Variants in CEP164 observed in about 807,000 individuals in gnomAD.
CEP164 encodes the protein centrosomal protein 164.
CEP164 carries 162 observed loss-of-function variants against 182.7 expected under a neutral mutation model. That is an observed-to-expected ratio of 0.89 (90% CI 0.78 to 1.01). The LOEUF (loss-of-function observed/expected upper bound fraction) is 1.01, where lower values mean the gene tolerates loss of function less well. Among genes scored for constraint, CEP164 ranks in the 50% least tolerant of loss-of-function variants. The pLI, the probability that CEP164 is intolerant of heterozygous loss-of-function variation, is 0.00. For synonymous variants in CEP164, 661 were observed against 690.0 expected (o/e 0.96, Z 0.66); for missense variants, 1,735 against 1,790.4 (o/e 0.97, Z 0.56).
rs182956024 is a variant in CEP164 at position 117,366,200 on chromosome 11, G to T, written c.765+2694G>T. ...GGATAGCCAGTGCTGCCTCTGCTTGGTCCCTGCTCTTTGAAAATGGCTTTT... is the reference window on the plus strand; with the variant it reads ...GGATAGCCAGTGCTGCCTCTGCTTGTTCCCTGCTCTTTGAAAATGGCTTTT... On this transcript the variant is annotated intron_variant, in intron 8 of 32. Transcript: ENST00000278935. 4.6e-5 allele frequency among the ~76,000 whole-genome samples: 7 copies of T among 152,084 alleles called. No homozygotes were observed. The East Asian group carries it at 1.4e-3, about 29-fold the overall frequency.
intron 15 of CEP164, among the ~76,000 whole-genome samples, chr11:117,389,596 C>T (rs2044359160): frequency 1.3e-5 from 2 of 152,138 alleles, no homozygotes. Context: ...AAGAAAGGTC[C>T]ACATGTAAAG....
chr11:117,359,760 A>G (rs920534563), intron 5 of CEP164, among the ~76,000 whole-genome samples: 3 of 152,140 alleles, frequency 2.0e-5, no homozygotes, highest in Non-Finnish European at 2.9e-5. Flanking sequence ...AATTATTGTA[A>G]TGTGAATCCC....
intron 27 of CEP164, among the ~76,000 whole-genome samples, chr11:117,401,858 A>AT (rs1000578008): frequency 2.0e-5 from 3 of 150,388 alleles, no homozygotes; most frequent in Non-Finnish European, 4.5e-5. Flanking sequence ...CTATTTGATT[A>AT]TTTTTTCTTC....
chr11:117,330,649 C>CA lies in CEP164; in HGVS notation c.-98+2754dup, dbSNP rs56183313. ...GGGTGACAAGAATGATACTCTGTCT[C>CA]AAAAAAAAAGCAAAGAAAAAGTGAT... On this transcript the variant is annotated intron_variant, in intron 1 of 32. Coordinates refer to ENST00000278935, the MANE Select transcript of CEP164 (RefSeq NM_014956.5). Among the ~76,000 whole-genome samples, 85 of 150,392 alleles carry CA rather than the reference C, an allele frequency of 5.7e-4. No homozygotes were observed. The South Asian group carries it at 6.5e-3, about 12-fold the overall frequency.
Position 117,363,505 on chromosome 11 carries a change from A to G in CEP164, c.764A>G (p.Glu255Gly). ...GCACTGGGGGGTGACTTTGAGTATG[A>G]GGTAAGAGCCCTAATCCCTACAGGC... The part of the protein sequence containing the change: ...IGALGGDFEY[E>G]ESLRTSQPEE... The change falls in exon 8 of 33, where the codon GAG becomes GGG. Residue 255 changes from glutamate (E) to glycine (G), a missense_variant and splice_region_variant. Transcript: ENST00000278935. 6.2e-7 allele frequency: 1 copy of G among 1,611,270 alleles called. No homozygotes were observed. Among genetic ancestry groups the G allele is most frequent in the South Asian group, 1.1e-5 (1 of 90,992 alleles).
At chr11:117,373,387 CTA>C (rs2042420002) in intron 9 of CEP164, among the ~76,000 whole-genome samples, 1 of 151,792 alleles carries the variant, frequency 6.6e-6, no homozygotes, top group Non-Finnish European at 1.5e-5. Flanking sequence ...GAGCTTTTAT[CTA>C]TTTCCTGGGA....
At chr11:117,410,088 C>A (rs1400035934) in intron 30 of CEP164, 123 bp downstream of exon 30, 1 of 899,512 alleles carries the variant, frequency 1.1e-6, no homozygotes, top group African/African-American at 1.6e-5. Context: ...CTTTGCCACA[C>A]CTCTCCTCCC....
chr11:117,323,888 T>C, upstream of CEP164: 1 of 403,170 alleles, frequency 2.5e-6, no homozygotes, highest in Non-Finnish European at 5.1e-6. Flanking sequence ...CATTTGTATA[T>C]CTTCTTTTGA....
At chr11:117,363,723 C>T (rs1565491629) in intron 8 of CEP164, among the ~76,000 whole-genome samples, 4 of 144,978 alleles carry the variant, frequency 2.8e-5, no homozygotes, top group South Asian at 4.4e-4. Flanking sequence ...AACATCAACA[C>T]TCATTATGTT....
intron 5 of CEP164, chr11:117,359,673 T>G (rs1441019879): frequency 1.2e-6 from 1 of 856,084 alleles, no homozygotes; most frequent in Non-Finnish European, 1.4e-6. Context: ...CTTAGACATT[T>G]TAAGTTTGAG....
intron 17 of CEP164, among the ~76,000 whole-genome samples, chr11:117,391,988 C>T (rs2044714781): frequency 6.6e-6 from 1 of 152,194 alleles, no homozygotes; most frequent in Admixed American, 6.5e-5. Context: ...GGGGTGGGAG[C>T]AGAGAGCCGA....
chr11:117,356,386 T>G lies in CEP164; in HGVS notation c.393+4398T>G, dbSNP rs954155281. 8 of 1,188,688 alleles carry G rather than the reference T, an allele frequency of 6.7e-6. No homozygotes were observed. The African/African-American group carries it at 1.3e-4, about 19-fold the overall frequency. The allele number at this position is 1,188,688 out of a possible 1,614,324, so 73.6% of individuals were successfully genotyped here. ...CAGCTGAGTCTTCTAGGATGTCTAG[T>G]GAGGGTGAGCACGAGGCCATCAGAG... On this transcript the variant is annotated intron_variant, in intron 5 of 32. Transcript: ENST00000278935.
At position 117,395,665 on chromosome 11, in the gene CEP164, T is replaced by C. The variant is rs138868323; in HGVS notation, c.3032T>C (p.Leu1011Pro). Residue 1011 changes from leucine to proline, a missense_variant, in exon 24 of 33, where the codon CTG becomes CCG. By Grantham distance (98) the Leu-to-Pro change is moderately conservative (BLOSUM62 -3). Transcript: ENST00000278935. ...LDELQARKLK[L>P]ESQVDLLQAQ... ...GAGCTGCAGGCCCGCAAGCTGAAGC[T>C]GGAGTCCCAAGTGGATCTGCTGCAG... 2.9e-4 allele frequency: 475 copies of C among 1,613,554 alleles called. No individual in the cohort carries two copies. In the African/African-American group the frequency reaches 5.6e-3, roughly 19 times the overall value.
chr11:117,407,878 C>T (rs766670329), intron 27 of CEP164, 47 bp from the exon 28 acceptor site: 19 of 1,417,006 alleles, frequency 1.3e-5, no homozygotes, highest in South Asian at 1.2e-4. Context: ...GGGACTCCAG[C>T]GTCTGTGTGG....
intron 1 of CEP164, among the ~76,000 whole-genome samples, chr11:117,335,194 G>C (rs2036888964): frequency 6.6e-6 from 1 of 152,210 alleles, no homozygotes; most frequent in African/African-American, 2.4e-5. Flanking sequence ...GCCTCTGACT[G>C]TGTGTGTAGC....
chr11:117,398,640 G>A (rs112164343), intron 27 of CEP164, among the ~76,000 whole-genome samples: 1,681 of 152,316 alleles, frequency 0.011, 28 homozygotes, highest in African/African-American at 0.038. Context: ...CTGTGCAGCC[G>A]CAGGCTCAAC....
At chr11:117,410,990 C>G in intron 31 of CEP164, 96 bp downstream of exon 31, 1 of 1,101,218 alleles carries the variant, frequency 9.1e-7, no homozygotes, top group South Asian at 1.4e-5. Context: ...GAGCAGACCT[C>G]CTGGTCTTAC....
intron 1 of CEP164, among the ~76,000 whole-genome samples, chr11:117,329,930 G>A (rs2035937788): frequency 6.8e-6 from 1 of 147,866 alleles, no homozygotes; most frequent in African/African-American, 2.5e-5. Context: ...AGTGGATGAA[G>A]TGAGATGATG....
chr11:117,407,290 G>A (rs1185982149), intron 27 of CEP164, among the ~76,000 whole-genome samples: 1 of 151,740 alleles, frequency 6.6e-6, no homozygotes, highest in East Asian at 1.9e-4. Flanking sequence ...TCTCAACCAT[G>A]GTGGTGGTGG....
Sources: gnomAD v4.1 joint callset for allele counts (sites outside exome capture counted in the v4.1 genomes callset) on GRCh38, gnomAD v4.1.1 for gene constraint, MANE v1.5 for transcripts, NCBI Gene and HGNC (gene_info 2026-07-23, HGNC 2026-07-21) for gene names.